Variants in MIER3 observed in about 807,000 individuals in gnomAD.
MIER3 encodes the protein mesoderm induction early response protein 3.
MIER3 carries 9 observed loss-of-function variants against 63.2 expected under a neutral mutation model. That is an observed-to-expected ratio of 0.14 (90% CI 0.09 to 0.25). MIER3 has a LOEUF of 0.25. MIER3 is among the 10% of genes least tolerant of loss of function. The probability of loss-of-function intolerance (pLI) is 1.00; values close to 1 mark genes in which losing one functional copy is unlikely to be tolerated. For synonymous variants in MIER3, 205 were observed against 224.9 expected (o/e 0.91, Z 0.79); for missense variants, 512 against 666.2 (o/e 0.77, Z 2.55).
chr5:56,952,011 T>G, intron 1 of MIER3, 83 bp downstream of exon 1: 1 of 1,127,718 alleles, frequency 8.9e-7, no homozygotes, highest in Non-Finnish European at 1.1e-6. Flanking sequence ...GAGCCCCGGA[T>G]CCCCCAGGCT....
At position 56,921,958 on chromosome 5, in the gene MIER3, T is replaced by G. The variant is rs1309550009; in HGVS notation, c.*1170A>C. ...TTTGGAATAAAAATAAAACTGAGTT[T>G]GAGATACATCTGAACATCTATCAAT... On this transcript the variant is annotated 3_prime_UTR_variant, in exon 13 of 13. Transcript: ENST00000381199. 2 of 152,652 alleles carry G rather than the reference T, an allele frequency of 1.3e-5. No individual in the cohort carries two copies. Among genetic ancestry groups the G allele is most frequent in the Non-Finnish European group, 2.9e-5 (2 of 68,042 alleles). The allele number at this position is 152,652 out of a possible 1,614,324, so 9.5% of individuals were successfully genotyped here.
chr5:56,938,221 T>G, intron 4 of MIER3: 1 of 470,352 alleles, frequency 2.1e-6, no homozygotes, highest in Non-Finnish European at 4.4e-6. Flanking sequence ...AAATACTTGT[T>G]GAATGACTAT....
intron 10 of MIER3, 65 bp from the exon 11 acceptor site, chr5:56,924,107 T>G: frequency 6.6e-7 from 1 of 1,512,764 alleles, no homozygotes; most frequent in South Asian, 1.2e-5. Flanking sequence ...CAACTTTTCT[T>G]TTCCACAACA....
At position 56,922,138 on chromosome 5, in the gene MIER3, C is replaced by G. The variant is rs1441167279; in HGVS notation, c.*990G>C. On this transcript the variant is annotated 3_prime_UTR_variant, in exon 13 of 13. Transcript: ENST00000381199. Reference sequence around the variant, plus strand: ...CTAGAAGTCCCTCTAAATATTAACACTTTGAACTGCAGTGCTACAAACAAC... The same window carrying G: ...CTAGAAGTCCCTCTAAATATTAACAGTTTGAACTGCAGTGCTACAAACAAC... 1 of 152,630 alleles carries G rather than the reference C, an allele frequency of 6.6e-6. No homozygotes were observed. Among genetic ancestry groups the G allele is most frequent in the South Asian group, 2.1e-4 (1 of 4,832 alleles). 9.5% of individuals were successfully genotyped at this position (152,630 alleles called of 1,614,324 possible).
chr5:56,952,059 C>T (rs1464823053), intron 1 of MIER3, 35 bp downstream of exon 1: 10 of 1,285,038 alleles, frequency 7.8e-6, no homozygotes, highest in Non-Finnish European at 1.0e-5. Context: ...GCGCCCGCTC[C>T]AGCCCGGCTG....
chr5:56,943,500 C>T (rs974530302), intron 3 of MIER3, among the ~76,000 whole-genome samples: 3 of 152,196 alleles, frequency 2.0e-5, no homozygotes, highest in East Asian at 1.9e-4. Flanking sequence ...AAGAAAACCC[C>T]GCTTTTCTAT....
intron 7 of MIER3, 53 bp from the exon 8 acceptor site, chr5:56,933,451 T>C: frequency 4.0e-6 from 6 of 1,502,082 alleles, no homozygotes; most frequent in Non-Finnish European, 5.4e-6. Context: ...CACTCAAAGA[T>C]GTACACAAAC....
Position 56,920,597 on chromosome 5 carries a change from T to A in MIER3, c.*2531A>T, listed in dbSNP as rs1749625226. On this transcript the variant is annotated 3_prime_UTR_variant, in exon 13 of 13. Coordinates refer to ENST00000381199, the MANE Select transcript of MIER3 (RefSeq NM_001297599.2). ...AATTCTTTTAATAAACAGTAACAAATTCTCTGTTAAGATGTTTAAACTGAG... is the reference window on the plus strand; with the variant it reads ...AATTCTTTTAATAAACAGTAACAAAATCTCTGTTAAGATGTTTAAACTGAG... The A allele has an allele frequency of 6.6e-6, 1 of 152,494 alleles. No homozygotes were observed. Among genetic ancestry groups the A allele is most frequent in the Admixed American group, 6.5e-5 (1 of 15,276 alleles). 9.4% of individuals were successfully genotyped at this position (152,494 alleles called of 1,614,324 possible). A position where few individuals can be genotyped will look rare whatever the true frequency, so the allele number is the denominator to read the frequency against.
intron 3 of MIER3, among the ~76,000 whole-genome samples, chr5:56,945,475 T>G (rs1167279074): frequency 6.6e-6 from 1 of 151,998 alleles, no homozygotes; most frequent in Non-Finnish European, 1.5e-5. Context: ...AAAAAAAAAG[T>G]TCTACCTATA....
intron 8 of MIER3, among the ~76,000 whole-genome samples, chr5:56,932,532 C>T (rs1750304681): frequency 6.6e-6 from 1 of 152,104 alleles, no homozygotes; most frequent in Non-Finnish European, 1.5e-5. Flanking sequence ...CTGCCTACCT[C>T]TGAATACTTA....
At position 56,926,238 on chromosome 5, in the gene MIER3, CTAAG is replaced by C. The variant is rs377471469; in HGVS notation, c.925-2200_925-2197del. Among the ~76,000 whole-genome samples the C allele has an allele frequency of 6.0e-5, 9 of 151,242 alleles. No homozygotes were observed. In the East Asian group the frequency reaches 1.4e-3, roughly 24 times the overall value. On this transcript the variant is annotated intron_variant, in intron 10 of 12. Transcript: ENST00000381199. ...AAAGTGTGAACAATCAGATGAAATTCTAAGTTGGACATAATTAAAATTAAAAACT... is the reference window on the plus strand; with the variant it reads ...AAAGTGTGAACAATCAGATGAAATTCTTGGACATAATTAAAATTAAAAACT...
At chr5:56,948,105 A>G (rs1046947755) in intron 2 of MIER3, among the ~76,000 whole-genome samples, 3 of 152,238 alleles carry the variant, frequency 2.0e-5, no homozygotes, top group African/African-American at 7.2e-5. Context: ...TAGTCAAGCT[A>G]CTGAATATTT....
rs751197276 is a variant in MIER3, at chr5:56,923,846, C to G, written c.1053-13G>C. ...ATCCATATAGTCCCTGAAAAACACA[C>G]CCCAGTAATTTTATGACTATATATT... On this transcript the variant is annotated splice_polypyrimidine_tract_variant and intron_variant, in intron 11 of 12. Transcript: ENST00000381199. The G allele has an allele frequency of 2.5e-6, 4 of 1,614,068 alleles. No homozygotes were observed. In the South Asian group the frequency reaches 4.4e-5, roughly 18 times the overall value.
chr5:56,928,253 G>A (rs564244015), intron 10 of MIER3: 1 of 152,420 alleles, frequency 6.6e-6, no homozygotes, highest in East Asian at 1.9e-4. Flanking sequence ...GTAAGAGTAT[G>A]GTTGGTATTA....
rs570858197 is a variant in MIER3, at chr5:56,921,106, G to C, written c.*2022C>G. On this transcript the variant is annotated 3_prime_UTR_variant, in exon 13 of 13. Transcript: ENST00000381199. ...GCATAGATAAACTGAATATATTACTGCATCAGCTACTGAGAATGGGCATGT... is the reference window on the plus strand; with the variant it reads ...GCATAGATAAACTGAATATATTACTCCATCAGCTACTGAGAATGGGCATGT... 2 of 152,500 alleles carry C rather than the reference G, an allele frequency of 1.3e-5. No homozygotes were observed. Among genetic ancestry groups the C allele is most frequent in the Non-Finnish European group, 2.9e-5 (2 of 67,972 alleles). 9.4% of individuals were successfully genotyped at this position (152,500 alleles called of 1,614,324 possible). A position where few individuals can be genotyped will look rare whatever the true frequency, so the allele number is the denominator to read the frequency against.
rs1258219617 is a variant in MIER3, at chr5:56,935,816, T to C, written c.437-65A>G. 4 of 1,220,406 alleles carry C rather than the reference T, an allele frequency of 3.3e-6. No homozygotes were observed. The South Asian group carries it at 5.0e-5, about 15-fold the overall frequency. 75.6% of individuals were successfully genotyped at this position (1,220,406 alleles called of 1,614,324 possible). Reference sequence around the variant, plus strand: ...TTTGCAGAACCTGGAAGAATGCCTGTTGTATTTTACAAAATGTTGTTAAAT... The same window carrying C: ...TTTGCAGAACCTGGAAGAATGCCTGCTGTATTTTACAAAATGTTGTTAAAT... On this transcript the variant is annotated intron_variant, in intron 5 of 12. Transcript: ENST00000381199.
intron 5 of MIER3, 108 bp from the exon 6 acceptor site, chr5:56,935,859 G>T: frequency 1.3e-6 from 1 of 776,498 alleles, no homozygotes; most frequent in Non-Finnish European, 2.1e-6. Flanking sequence ...ATCAGCATAA[G>T]TATACTAAAC....
chr5:56,949,121 C>T (rs2591955), intron 2 of MIER3, among the ~76,000 whole-genome samples: 46,417 of 151,984 alleles, frequency 0.31, 7,565 homozygotes, highest in East Asian at 0.54. Context: ...TTTGGGAGGC[C>T]GAGGCAGGCG....
At chr5:56,950,484 T>G (rs1302134761) in intron 2 of MIER3, 144 bp downstream of exon 2, 1 of 847,120 alleles carries the variant, frequency 1.2e-6, no homozygotes, top group African/African-American at 1.7e-5. Flanking sequence ...TTCCCCAAAC[T>G]TTACTAAATG....
Sources: allele counts gnomAD v4.1 joint callset (sites outside exome capture counted in the v4.1 genomes callset), GRCh38; gene constraint gnomAD v4.1.1; transcripts MANE v1.5; gene names NCBI Gene and HGNC (gene_info 2026-07-23, HGNC 2026-07-21).